CNTRL: variants seen among roughly 807,000 people sequenced by gnomAD.
CNTRL encodes 110 kDa centrosomal protein.
Under a neutral mutation model 303.7 loss-of-function variants are expected in CNTRL, and 233 were observed. The observed-to-expected ratio is 0.77, with a 90% CI of 0.69 to 0.86. CNTRL has a LOEUF of 0.86. CNTRL is among the 40% of genes least tolerant of loss of function. The pLI, the probability that CNTRL is intolerant of heterozygous loss-of-function variation, is 0.00. For synonymous variants in CNTRL, 900 were observed against 922.2 expected, an observed-to-expected ratio of 0.98 and a Z score of 0.44; for missense variants, 2,524 against 2,650.6, an observed-to-expected ratio of 0.95 and a Z score of 1.05.
At position 121,169,924 on chromosome 9, in the gene CNTRL, T is replaced by G. The variant is rs372119585; in HGVS notation, c.6276+108T>G. ...AATAAATTACCCATCAACCCAGTCC[T>G]GAACCCAGCTGTTGTTATTGATGTA... On this transcript the variant is annotated intron_variant, in intron 39 of 43. Coordinates refer to ENST00000373855, the MANE Select transcript of CNTRL (RefSeq NM_007018.6). 10 of 864,618 alleles carry G rather than the reference T, an allele frequency of 1.2e-5. No individual in the cohort carries two copies. The East Asian group carries it at 1.6e-4, about 14-fold the overall frequency. The allele number at this position is 864,618 out of a possible 1,614,324, so 53.6% of individuals were successfully genotyped here.
At position 121,142,129 on chromosome 9, in the gene CNTRL, G is replaced by C. The variant is rs772168800; in HGVS notation, c.2730G>C (p.Gln910His). Residue 910 changes from glutamine (Q) to histidine (H), a missense_variant, in exon 19 of 44, where the codon CAG becomes CAC. Physicochemically the swap from Gln to His is conservative, Grantham distance 24 (BLOSUM62 0). Transcript: ENST00000373855. ...AGAGGCAACATGAAGCAAGAATCCAGCAAATGGAGAATGAAATTCACTATT... is the reference window on the plus strand; with the variant it reads ...AGAGGCAACATGAAGCAAGAATCCACCAAATGGAGAATGAAATTCACTATT... ...FDKRQHEARI[Q>H]QMENEIHYLQ... 1 of 1,608,270 alleles carries C rather than the reference G, an allele frequency of 6.2e-7. No individual in the cohort carries two copies. Among genetic ancestry groups the C allele is most frequent in the South Asian group, 1.1e-5 (1 of 89,482 alleles).
intron 24 of CNTRL, 143 bp downstream of exon 24, chr9:121,149,004 T>C (rs1385923031): frequency 1.4e-6 from 1 of 702,270 alleles, no homozygotes; most frequent in African/African-American, 1.8e-5. Context: ...GCCAGCGACC[T>C]CTTGTCGTTG....
chr9:121,096,628 A>C, intron 6 of CNTRL, 65 bp downstream of exon 6: 5 of 1,266,640 alleles, frequency 3.9e-6, no homozygotes, highest in Non-Finnish European at 5.2e-6. Context: ...AAAATATCTA[A>C]GTTTTTTAAA....
chr9:121,104,193 C>T (rs867519570), intron 7 of CNTRL, among the ~76,000 whole-genome samples: 3 of 152,130 alleles, frequency 2.0e-5, no homozygotes, highest in Admixed American at 2.0e-4. Context: ...TACTATGCAG[C>T]CATAAAAAAG....
intron 2 of CNTRL, among the ~76,000 whole-genome samples, chr9:121,082,994 A>G (rs10739588): frequency 0.68 from 99,180 of 146,344 alleles, 34,519 homozygotes; most frequent in East Asian, 0.96. Context: ...AAATAGAAAA[A>G]GTACAATAAA....
intron 9 of CNTRL, 81 bp downstream of exon 9, chr9:121,112,659 G>T: frequency 2.8e-6 from 4 of 1,403,930 alleles, no homozygotes; most frequent in Non-Finnish European, 4.0e-6. Context: ...GTGAGGACAT[G>T]TAAGGGATTT....
Position 121,171,455 on chromosome 9 carries a change from T to C in CNTRL, c.6324T>C (p.Ile2108=), listed in dbSNP as rs778664494. The C allele has an allele frequency of 1.2e-6, 2 of 1,614,088 alleles. No homozygotes were observed. The highest frequency in any genetic ancestry group is 2.2e-5 in the South Asian group (2 of 91,084). The change falls in exon 40 of 44, where the codon ATT becomes ATC. Residue 2108 remains isoleucine, a synonymous_variant. Coordinates refer to ENST00000373855, the MANE Select transcript of CNTRL (RefSeq NM_007018.6). ...GCATACAAAAGGAAATGGCAACAATTGAACTGGTAGCCCAGGACAACCATG... is the reference window on the plus strand; with the variant it reads ...GCATACAAAAGGAAATGGCAACAATCGAACTGGTAGCCCAGGACAACCATG... ...NSCIQKEMAT[I]ELVAQDNHER... is the part of the protein sequence containing the mutation.
chr9:121,082,058 G>A (rs935647531), intron 2 of CNTRL, among the ~76,000 whole-genome samples: 2 of 152,154 alleles, frequency 1.3e-5, no homozygotes, highest in African/African-American at 4.8e-5. Context: ...GGAAACAGGA[G>A]GAACATCAAA....
intron 7 of CNTRL, among the ~76,000 whole-genome samples, chr9:121,099,332 T>G (rs1461206107): frequency 2.0e-5 from 3 of 152,174 alleles, no homozygotes; most frequent in Admixed American, 6.5e-5. Flanking sequence ...GACCTGCAGC[T>G]CAGGGTCCTG....
At chr9:121,117,494 C>T (rs945276120) in intron 11 of CNTRL, among the ~76,000 whole-genome samples, 1 of 152,090 alleles carries the variant, frequency 6.6e-6, no homozygotes, top group African/African-American at 2.4e-5. Flanking sequence ...TGACTATCTT[C>T]ATATTAAAAC....
At chr9:121,106,833 C>T (rs947386932) in intron 7 of CNTRL, among the ~76,000 whole-genome samples, 3 of 152,082 alleles carry the variant, frequency 2.0e-5, no homozygotes, top group African/African-American at 7.2e-5. Flanking sequence ...GTTTTGGAAT[C>T]ATTAAAAATA....
intron 25 of CNTRL, among the ~76,000 whole-genome samples, chr9:121,151,503 G>A (rs1241867672): frequency 7.0e-6 from 1 of 143,072 alleles, no homozygotes; most frequent in Non-Finnish European, 1.5e-5. Context: ...CAATTCTCCT[G>A]CCTCAGCCTC....
chr9:121,112,716 T>C, intron 9 of CNTRL, 138 bp downstream of exon 9: 1 of 936,734 alleles, frequency 1.1e-6, no homozygotes, highest in Non-Finnish European at 1.6e-6. Flanking sequence ...TTAAACTGTA[T>C]TTTGGTTCAA....
intron 14 of CNTRL, among the ~76,000 whole-genome samples, chr9:121,133,149 T>G (rs1364126262): frequency 6.6e-6 from 1 of 152,234 alleles, no homozygotes. Flanking sequence ...AACACTGTGC[T>G]GGGAGAACCA....
intron 43 of CNTRL, among the ~76,000 whole-genome samples, chr9:121,176,303 A>C (rs554029402): frequency 6.6e-6 from 1 of 152,230 alleles, no homozygotes. Context: ...TGGAGCCACA[A>C]GGAGCTTTCA....
At chr9:121,096,675 A>G in intron 6 of CNTRL, 112 bp downstream of exon 6, 1 of 801,638 alleles carries the variant, frequency 1.2e-6, no homozygotes, top group Non-Finnish European at 1.8e-6. Flanking sequence ...TGCTCCTTTG[A>G]CTAAACACTA....
At chr9:121,109,462 C>G (rs2049644852) in intron 8 of CNTRL, among the ~76,000 whole-genome samples, 1 of 152,046 alleles carries the variant, frequency 6.6e-6, no homozygotes, top group South Asian at 2.1e-4. Flanking sequence ...TTTTTAAAGT[C>G]TATGTTGTGT....
At chr9:121,126,453 T>G (rs572552343) in intron 14 of CNTRL, among the ~76,000 whole-genome samples, 15 of 152,360 alleles carry the variant, frequency 9.8e-5, no homozygotes, top group Admixed American at 9.8e-4. Flanking sequence ...ACATGAGAAC[T>G]AGAGATTTCC....
intron 43 of CNTRL, among the ~76,000 whole-genome samples, chr9:121,176,759 TG>T: frequency 6.6e-6 from 1 of 152,342 alleles, no homozygotes. Context: ...GTTAGGGGGC[TG>T]GCTTCTGAGC....
Sources: allele counts gnomAD v4.1 joint callset (sites outside exome capture counted in the v4.1 genomes callset), GRCh38; gene constraint gnomAD v4.1.1; transcripts MANE v1.5; gene names NCBI Gene and HGNC (gene_info 2026-07-23, HGNC 2026-07-21).